The following ZFHX3 variants were observed in gnomAD, a reference collection of about 807,000 sequenced individuals.
ZFHX3 encodes the protein zinc finger homeobox protein 3.
Under a neutral mutation model 279.1 loss-of-function variants are expected in ZFHX3, and 42 were observed. The ratio of observed to expected loss-of-function variants is 0.15; its 90% CI spans 0.12 to 0.19. The LOEUF (loss-of-function observed/expected upper bound fraction) is 0.19. ZFHX3 is among the 10% of genes least tolerant of loss of function. The pLI is 1.00. For missense variants in ZFHX3, 4,981 were observed against 4,754.0 expected (o/e 1.05, Z -1.40); for synonymous variants, 2,293 against 1,957.8 (o/e 1.17, Z -4.52).
chr16:73,872,071 G>A (rs969736067), intron 1 of ZFHX3, among the ~76,000 whole-genome samples: 1 of 152,166 alleles, frequency 6.6e-6, no homozygotes, highest in Admixed American at 6.5e-5. Flanking sequence ...AATTGTAAGT[G>A]AATGATTGGA....
intron 1 of ZFHX3, among the ~76,000 whole-genome samples, chr16:73,860,316 T>A (rs939847046): frequency 2.0e-5 from 3 of 152,170 alleles, no homozygotes; most frequent in African/African-American, 7.2e-5. Flanking sequence ...AGGTTCTCTG[T>A]GCTTCATAAT....
intron 3 of ZFHX3, among the ~76,000 whole-genome samples, chr16:72,931,893 T>C (rs192660111): frequency 6.6e-6 from 1 of 152,330 alleles, no homozygotes; most frequent in African/African-American, 2.4e-5. Context: ...TTTTACGATA[T>C]TCTGTGGTAT....
chr16:73,226,260 T>G (rs780811294), intron 5 of ZFHX3, among the ~76,000 whole-genome samples: 1 of 152,172 alleles, frequency 6.6e-6, no homozygotes, highest in Non-Finnish European at 1.5e-5. Flanking sequence ...AACAGGAAAC[T>G]GTAGACAAGC....
chr16:73,018,571 C>T (rs746644600), intron 1 of ZFHX3, among the ~76,000 whole-genome samples: 38 of 152,190 alleles, frequency 2.5e-4, no homozygotes, highest in Non-Finnish European at 4.3e-4. Flanking sequence ...TGCACTCCAG[C>T]CTGGCGACAG....
intron 2 of ZFHX3, among the ~76,000 whole-genome samples, chr16:73,474,336 T>C (rs1473083475): frequency 1.3e-5 from 2 of 152,062 alleles, no homozygotes; most frequent in Admixed American, 6.6e-5. Flanking sequence ...CTAGTAGAGA[T>C]GGAGGTTTCA....
chr16:73,216,775 GA>G lies in ZFHX3; in HGVS notation c.-1104+40271del, dbSNP rs112287833. Among the ~76,000 whole-genome samples the G allele has an allele frequency of 5.8e-3, 794 of 137,568 alleles. 15 individuals carry two copies. Among genetic ancestry groups the G allele is most frequent in the African/African-American group, 0.017 (626 of 37,764 alleles). The allele number at this position is 137,568 out of a possible 152,430, so 90.2% of individuals were successfully genotyped here. A position where few individuals can be genotyped will look rare whatever the true frequency, so the allele number is the denominator to read the frequency against. ...AAGAGTCCATCGCAAAAAAGAAAAAGAAAAAAAAAAAGGACTCAAATATTAT... is the reference window on the plus strand; with the variant it reads ...AAGAGTCCATCGCAAAAAAGAAAAAGAAAAAAAAAAGGACTCAAATATTAT... On this transcript the variant is annotated intron_variant, in intron 5 of 17. Coordinates refer to the ZFHX3 transcript ENST00000641206.
At chr16:72,880,102 A>C (rs2038424036) in intron 4 of ZFHX3, among the ~76,000 whole-genome samples, 1 of 152,202 alleles carries the variant, frequency 6.6e-6, no homozygotes, top group South Asian at 2.1e-4. Context: ...TGCGAGCAGG[A>C]AACCAGAGAA....
chr16:73,099,762 C>G (rs912572825), intron 7 of ZFHX3, among the ~76,000 whole-genome samples: 15 of 150,788 alleles, frequency 9.9e-5, no homozygotes, highest in African/African-American at 3.4e-4. Context: ...GTGTCCTGCT[C>G]TCAGGAGGAA....
At chr16:72,799,598 C>A (rs746308210) in intron 8 of ZFHX3, among the ~76,000 whole-genome samples, 1 of 152,240 alleles carries the variant, frequency 6.6e-6, no homozygotes, top group Non-Finnish European at 1.5e-5. Flanking sequence ...CTCTGTGCTT[C>A]ATCCTAAGCC....
chr16:72,844,809 G>T (rs1470897011), intron 4 of ZFHX3, among the ~76,000 whole-genome samples: 1 of 152,118 alleles, frequency 6.6e-6, no homozygotes, highest in Non-Finnish European at 1.5e-5. Context: ...GGTATCTTCA[G>T]GCCTGGCTCT....
intron 1 of ZFHX3, among the ~76,000 whole-genome samples, chr16:73,738,981 C>A (rs770671973): frequency 2.0e-5 from 3 of 150,554 alleles, no homozygotes; most frequent in Non-Finnish European, 4.4e-5. Context: ...CCCACCAGAC[C>A]AGACTGTGGT....
At chr16:73,544,764 C>T (rs1434653192) in intron 2 of ZFHX3, among the ~76,000 whole-genome samples, 1 of 152,010 alleles carries the variant, frequency 6.6e-6, no homozygotes, top group Non-Finnish European at 1.5e-5. Flanking sequence ...GGGAGAGAAG[C>T]GAGGCTGGGA....
intron 2 of ZFHX3, among the ~76,000 whole-genome samples, chr16:73,477,598 C>T (rs1042985765): frequency 3.3e-5 from 5 of 152,178 alleles, no homozygotes; most frequent in Admixed American, 1.3e-4. Flanking sequence ...CCACAGTTCC[C>T]GCGGACCCTG....
At chr16:73,751,820 T>C (rs2053764963) in intron 1 of ZFHX3, among the ~76,000 whole-genome samples, 2 of 152,164 alleles carry the variant, frequency 1.3e-5, no homozygotes, top group Admixed American at 6.5e-5. Context: ...CTCCCTTGTA[T>C]CAGAGATGCC....
At chr16:72,939,268 C>G (rs915784754) in intron 3 of ZFHX3, among the ~76,000 whole-genome samples, 1 of 152,150 alleles carries the variant, frequency 6.6e-6, no homozygotes, top group African/African-American at 2.4e-5. Flanking sequence ...GCACAGAGTA[C>G]CCTCCACAGA....
intron 4 of ZFHX3, among the ~76,000 whole-genome samples, chr16:73,287,150 G>C (rs1361480249): frequency 6.7e-6 from 1 of 149,754 alleles, no homozygotes; most frequent in Non-Finnish European, 1.5e-5. Context: ...GTGTGTGGCT[G>C]TGTGAGTGTG....
chr16:73,329,362 G>A (rs1238135332), intron 3 of ZFHX3, among the ~76,000 whole-genome samples: 3 of 152,228 alleles, frequency 2.0e-5, no homozygotes, highest in Admixed American at 6.5e-5. Context: ...TGCTTGTGTC[G>A]ACTATATTTT....
chr16:73,309,334 G>A (rs1049308368), intron 4 of ZFHX3, among the ~76,000 whole-genome samples: 15 of 151,976 alleles, frequency 9.9e-5, no homozygotes, highest in African/African-American at 2.9e-4. Context: ...GTGATATTTC[G>A]TTTTCTGTTT....
intron 5 of ZFHX3, among the ~76,000 whole-genome samples, chr16:73,249,509 T>C (rs1447002617): frequency 6.6e-6 from 1 of 152,062 alleles, no homozygotes; most frequent in Admixed American, 6.6e-5. Context: ...AAACCCCTTA[T>C]AAAGTTATCA....
Sources: allele counts gnomAD v4.1 joint callset (sites outside exome capture counted in the v4.1 genomes callset), GRCh38; gene constraint gnomAD v4.1.1; transcripts MANE v1.5; gene names NCBI Gene and HGNC (gene_info 2026-07-23, HGNC 2026-07-21).